Variants in ERBB4 observed in about 807,000 individuals in gnomAD.
ERBB4 encodes the protein receptor tyrosine-protein kinase erbB-4.
A neutral mutation model predicts 158.0 loss-of-function variants in ERBB4; 42 were observed. That is an observed-to-expected ratio of 0.27 (90% confidence interval 0.21 to 0.34). ERBB4 has a LOEUF of 0.34. ERBB4 is among the 10% of genes least tolerant of loss of function. The probability of loss-of-function intolerance (pLI) is 1.00; values close to 1 mark genes in which losing one functional copy is unlikely to be tolerated. For synonymous variants in ERBB4, 583 were observed against 558.7 expected (o/e 1.04, Z -0.61); for missense variants, 1,333 against 1,624.1 (o/e 0.82, Z 3.08).
chr2:212,207,572 A>G (rs571294641), intron 1 of ERBB4, among the ~76,000 whole-genome samples: 2 of 152,322 alleles, frequency 1.3e-5, no homozygotes, highest in East Asian at 3.9e-4. Flanking sequence ...TAAATATAAT[A>G]TATCAAGAAC....
At chr2:212,218,506 G>T (rs543608172) in intron 1 of ERBB4, among the ~76,000 whole-genome samples, 38 of 151,414 alleles carry the variant, frequency 2.5e-4, no homozygotes, top group African/African-American at 7.7e-4. Context: ...GGCAAAGCCA[G>T]GCCATGTTCT....
At chr2:212,237,253 G>T (rs911370883) in intron 1 of ERBB4, among the ~76,000 whole-genome samples, 1 of 152,122 alleles carries the variant, frequency 6.6e-6, no homozygotes, top group Non-Finnish European at 1.5e-5. Flanking sequence ...CCTTTGGATG[G>T]GGTTTTTGTG....
At chr2:212,202,833 T>A (rs1220728939) in intron 1 of ERBB4, among the ~76,000 whole-genome samples, 1 of 152,058 alleles carries the variant, frequency 6.6e-6, no homozygotes. Context: ...CCAAAATAAA[T>A]GACTATTGAG....
chr2:211,948,436 C>CAAAAA (rs55763428), intron 2 of ERBB4, among the ~76,000 whole-genome samples: 1 of 81,360 alleles, frequency 1.2e-5, no homozygotes, highest in African/African-American at 4.9e-5. Context: ...CTCTGTCTCA[C>CAAAAA]AAAAAAAAAA....
Position 211,566,686 on chromosome 2 carries a change from A to G in ERBB4, c.2302-4598T>C, listed in dbSNP as rs76355040. ...TCCTTCATTGAATTATAACATGCAC[A>G]TGTAAAAATATACACATACCGACAA... On this transcript the variant is annotated intron_variant, in intron 19 of 27. Transcript: ENST00000342788. Among the ~76,000 whole-genome samples, 771 of 152,324 alleles carry G rather than the reference A, an allele frequency of 5.1e-3. 9 individuals are homozygous for G. The highest frequency in any genetic ancestry group is 0.018 in the African/African-American group (736 of 41,576).
At chr2:211,582,047 C>T (rs1163658778) in intron 19 of ERBB4, among the ~76,000 whole-genome samples, 1 of 152,000 alleles carries the variant, frequency 6.6e-6, no homozygotes. Context: ...ATTGGTCAAT[C>T]TTGCCCATTG....
At chr2:211,990,219 G>A (rs953263028) in intron 2 of ERBB4, among the ~76,000 whole-genome samples, 7 of 151,490 alleles carry the variant, frequency 4.6e-5, no homozygotes, top group Non-Finnish European at 4.4e-5. Flanking sequence ...TGTAGGTGAC[G>A]AATTATAAAA....
chr2:211,383,189 C>T lies in ERBB4; in HGVS notation c.*426G>A, dbSNP rs551332240. Reference sequence around the variant, plus strand: ...TTTCCAGGGATGCTAAATATGCACACATCAGTTCCTGCAGATAGGAACAGA... The same window carrying T: ...TTTCCAGGGATGCTAAATATGCACATATCAGTTCCTGCAGATAGGAACAGA... On this transcript the variant is annotated 3_prime_UTR_variant, in exon 28 of 28. Transcript: ENST00000342788. 1 of 243,228 alleles carries T rather than the reference C, an allele frequency of 4.1e-6. No homozygotes were observed. The highest frequency in any genetic ancestry group is 1.2e-4 in the South Asian group (1 of 8,378). The allele number at this position is 243,228 out of a possible 1,614,324, so 15.1% of individuals were successfully genotyped here.
At chr2:212,218,659 T>C (rs1057171001) in intron 1 of ERBB4, among the ~76,000 whole-genome samples, 4 of 151,354 alleles carry the variant, frequency 2.6e-5, no homozygotes, top group African/African-American at 9.7e-5. Flanking sequence ...GAATTTCACA[T>C]TGGCAAAAGT....
chr2:211,696,048 TC>T (rs1371826248), intron 12 of ERBB4, among the ~76,000 whole-genome samples: 27 of 95,176 alleles, frequency 2.8e-4, no homozygotes, highest in East Asian at 7.3e-4. Context: ...TCCTTCCCCT[TC>T]CCCCCCTCCC....
intron 1 of ERBB4, among the ~76,000 whole-genome samples, chr2:212,199,679 G>A (rs893889055): frequency 2.6e-5 from 4 of 151,938 alleles, no homozygotes; most frequent in Admixed American, 6.6e-5. Context: ...AGAATTCTAC[G>A]TTTCCTCAGT....
intron 5 of ERBB4, among the ~76,000 whole-genome samples, chr2:211,746,501 A>G (rs1476613185): frequency 6.6e-6 from 1 of 151,998 alleles, no homozygotes; most frequent in African/African-American, 2.4e-5. Context: ...CTTAGTCAAG[A>G]CTTCCTCCCA....
chr2:211,501,497 T>TAAAA (rs71047178), intron 20 of ERBB4, among the ~76,000 whole-genome samples: 2,107 of 150,956 alleles, frequency 0.014, 46 homozygotes, highest in African/African-American at 0.049. Flanking sequence ...CCATAAAAAT[T>TAAAA]AAAAAAAACA....
intron 1 of ERBB4, among the ~76,000 whole-genome samples, chr2:212,248,126 AAATC>A (rs2084380502): frequency 6.6e-6 from 1 of 152,118 alleles, no homozygotes; most frequent in South Asian, 2.1e-4. Flanking sequence ...TGTGATTAAA[AAATC>A]AATAAAATTA....
At chr2:211,844,135 C>T (rs2077538956) in intron 3 of ERBB4, among the ~76,000 whole-genome samples, 1 of 64,516 alleles carries the variant, frequency 1.6e-5, no homozygotes, top group African/African-American at 4.8e-5. Flanking sequence ...GAAATGAAAA[C>T]ACTAATTTTT....
intron 1 of ERBB4, among the ~76,000 whole-genome samples, chr2:212,392,063 A>G (rs1222170877): frequency 6.6e-6 from 1 of 151,662 alleles, no homozygotes; most frequent in Non-Finnish European, 1.5e-5. Flanking sequence ...ATTGGTTACT[A>G]TAGACACGTA....
At chr2:212,057,787 A>G (rs1430990374) in intron 2 of ERBB4, among the ~76,000 whole-genome samples, 10 of 152,214 alleles carry the variant, frequency 6.6e-5, no homozygotes, top group Admixed American at 6.5e-4. Context: ...AGCAGTGTGT[A>G]GAGGGAAATT....
chr2:212,108,332 C>A (rs2079292891), intron 2 of ERBB4, among the ~76,000 whole-genome samples: 6 of 152,154 alleles, frequency 3.9e-5, no homozygotes, highest in Admixed American at 3.9e-4. Context: ...TATCAACTAA[C>A]TTCCATCAAG....
intron 17 of ERBB4, among the ~76,000 whole-genome samples, chr2:211,625,095 A>G (rs2069790489): frequency 6.6e-6 from 1 of 152,088 alleles, no homozygotes; most frequent in Non-Finnish European, 1.5e-5. Context: ...TATGTCTAAG[A>G]GAGGCTCTGG....
Sources: gnomAD v4.1 joint callset for allele counts (sites outside exome capture counted in the v4.1 genomes callset) on GRCh38, gnomAD v4.1.1 for gene constraint, MANE v1.5 for transcripts, NCBI Gene and HGNC (gene_info 2026-07-23, HGNC 2026-07-21) for gene names.